GPHN: variants seen among roughly 807,000 people sequenced by gnomAD.
The protein encoded by GPHN is gephyrin.
In GPHN, 17 loss-of-function variants were observed where a neutral mutation model predicts 95.5. That is an observed-to-expected ratio of 0.18 (90% CI 0.12 to 0.27). The LOEUF is 0.27. Ranked by LOEUF, GPHN falls within the 10% of genes least tolerant of loss-of-function variation. GPHN has a pLI of 1.00. For synonymous variants in GPHN, 320 were observed against 322.5 expected (o/e 0.99, Z 0.08); for missense variants, 660 against 978.1 (o/e 0.67, Z 4.34).
intron 9 of GPHN, among the ~76,000 whole-genome samples, chr14:66,974,934 A>G (rs909914740): frequency 2.6e-5 from 4 of 152,088 alleles, no homozygotes; most frequent in Non-Finnish European, 5.9e-5. Context: ...TAATGATACT[A>G]TTTGCTTCAT....
the GPHN span, among the ~76,000 whole-genome samples, chr14:67,684,033 T>C: frequency 1.3e-5 from 2 of 152,204 alleles, no homozygotes; most frequent in African/African-American, 4.8e-5. Flanking sequence ...TTCTGCTGCT[T>C]CAGGGCCTCT....
the GPHN span, among the ~76,000 whole-genome samples, chr14:67,315,558 A>G: frequency 1.9e-4 from 29 of 152,140 alleles, 1 homozygote; most frequent in Admixed American, 1.8e-3. Context: ...TTACAGGCAT[A>G]AGCCACTGCA....
At chr14:66,827,318 G>A (rs2061422465) in intron 4 of GPHN, among the ~76,000 whole-genome samples, 2 of 151,764 alleles carry the variant, frequency 1.3e-5, no homozygotes, top group Admixed American at 1.3e-4. Flanking sequence ...GGGTGCAGAG[G>A]TTTGTTAGGA....
intron 8 of GPHN, among the ~76,000 whole-genome samples, chr14:66,932,733 C>A (rs1350801021): frequency 3.3e-5 from 5 of 151,694 alleles, no homozygotes; most frequent in African/African-American, 9.7e-5. Flanking sequence ...TTTTTAGTCA[C>A]CACTGGTGAG....
At chr14:66,871,983 C>T (rs2063458404) in intron 4 of GPHN, among the ~76,000 whole-genome samples, 1 of 152,094 alleles carries the variant, frequency 6.6e-6, no homozygotes, top group African/African-American at 2.4e-5. Flanking sequence ...GGGATAATGC[C>T]AGCAAAGTCC....
chr14:66,665,045 A>T (rs192580730), intron 1 of GPHN, among the ~76,000 whole-genome samples: 9 of 151,264 alleles, frequency 5.9e-5, no homozygotes, highest in Admixed American at 2.0e-4. Context: ...GCTGAATTCT[A>T]CCAAATGTAC....
chr14:67,222,014 G>A, the GPHN span: 1 of 591,866 alleles, frequency 1.7e-6, no homozygotes, highest in Non-Finnish European at 2.8e-6. Context: ...CTTTCAAGTG[G>A]AAAACATTAT....
chr14:67,392,716 G>A, the GPHN span: 1 of 1,614,204 alleles, frequency 6.2e-7, no homozygotes, highest in Non-Finnish European at 8.5e-7. Context: ...GATCCCCAGA[G>A]CGAATGGCTC....
At chr14:67,584,046 C>T in the GPHN span, 1 of 1,613,738 alleles carries the variant, frequency 6.2e-7, no homozygotes, top group Non-Finnish European at 8.5e-7. Flanking sequence ...AAGGATGCTC[C>T]CCTCCTGAGT....
the GPHN span, among the ~76,000 whole-genome samples, chr14:67,618,610 G>T: frequency 6.6e-6 from 1 of 151,928 alleles, no homozygotes; most frequent in South Asian, 2.1e-4. Flanking sequence ...CAAACTCCTG[G>T]GCTCAGGAGA....
chr14:66,523,845 C>T (rs2139841596), intron 1 of GPHN, among the ~76,000 whole-genome samples: 1 of 152,192 alleles, frequency 6.6e-6, no homozygotes, highest in Admixed American at 6.6e-5. Flanking sequence ...TGACCTCAAT[C>T]TTGGTGTATC....
intron 9 of GPHN, chr14:66,996,147 A>C: frequency 6.7e-7 from 1 of 1,494,666 alleles, no homozygotes; most frequent in Non-Finnish European, 9.0e-7. Context: ...CCTCTTTAAC[A>C]GTGTTTTCTT....
intron 1 of GPHN, among the ~76,000 whole-genome samples, chr14:66,665,774 C>T (rs1344173840): frequency 6.6e-6 from 1 of 152,182 alleles, no homozygotes; most frequent in African/African-American, 2.4e-5. Flanking sequence ...GATTATAAAT[C>T]ATGCTGCTAT....
chr14:67,627,281 A>ATC, the GPHN span, among the ~76,000 whole-genome samples: 13 of 146,356 alleles, frequency 8.9e-5, no homozygotes, highest in Admixed American at 1.4e-4. Context: ...ATATATATAT[A>ATC]TCTGAAACTT....
chr14:66,589,005 G>A (rs1012141390), intron 1 of GPHN, among the ~76,000 whole-genome samples: 3 of 151,972 alleles, frequency 2.0e-5, no homozygotes, highest in Non-Finnish European at 2.9e-5. Context: ...TACCCACAAA[G>A]GGAAGGCCAT....
the GPHN span, among the ~76,000 whole-genome samples, chr14:67,243,247 C>T: frequency 1.3e-4 from 20 of 151,352 alleles, no homozygotes; most frequent in South Asian, 2.1e-4. Flanking sequence ...AGTGTAGTGG[C>T]GCGATCTTGG....
chr14:66,975,574 G>A (rs1038729170), intron 9 of GPHN, among the ~76,000 whole-genome samples: 1 of 152,054 alleles, frequency 6.6e-6, no homozygotes, highest in African/African-American at 2.4e-5. Flanking sequence ...CCAGCCCTAG[G>A]CTACCATATT....
chr14:66,650,265 G>A (rs568044567), intron 1 of GPHN, among the ~76,000 whole-genome samples: 72 of 152,240 alleles, frequency 4.7e-4, no homozygotes, highest in African/African-American at 1.6e-3. Context: ...GAGACTACAC[G>A]CCCTGCATTA....
intron 8 of GPHN, among the ~76,000 whole-genome samples, chr14:66,940,776 G>A (rs1422469015): frequency 6.6e-6 from 1 of 152,150 alleles, no homozygotes; most frequent in African/African-American, 2.4e-5. Context: ...AGTTGAGTTT[G>A]AGACAAAAAT....
Sources: allele counts gnomAD v4.1 joint callset (sites outside exome capture counted in the v4.1 genomes callset), GRCh38; gene constraint gnomAD v4.1.1; transcripts MANE v1.5; gene names NCBI Gene and HGNC (gene_info 2026-07-23, HGNC 2026-07-21).